The following ZMAT4 variants were observed in gnomAD, a reference collection of about 807,000 sequenced individuals.
The protein encoded by ZMAT4 is zinc finger matrin-type 4, also known as zinc finger matrin-type protein 4.
ZMAT4 carries 17 observed loss-of-function variants against 28.7 expected under a neutral mutation model. The observed-to-expected ratio is 0.59, with a 90% CI of 0.41 to 0.89. ZMAT4 has a LOEUF of 0.89. Ranked by LOEUF, ZMAT4 falls within the 40% of genes least tolerant of loss-of-function variation. ZMAT4 has a pLI of 0.00. For missense variants in ZMAT4, 240 were observed against 283.8 expected, an observed-to-expected ratio of 0.85 and a Z score of 1.11; for synonymous variants, 117 against 109.2, an observed-to-expected ratio of 1.07 and a Z score of -0.44.
chr8:40,820,547 T>C (rs911768721), intron 2 of ZMAT4, among the ~76,000 whole-genome samples: 6 of 151,082 alleles, frequency 4.0e-5, no homozygotes, highest in African/African-American at 7.3e-5. Context: ...TGTGCATTTG[T>C]GTGTGTATGT....
intron 5 of ZMAT4, among the ~76,000 whole-genome samples, chr8:40,653,057 C>G (rs1046249351): frequency 4.0e-5 from 6 of 151,746 alleles, no homozygotes; most frequent in African/African-American, 1.2e-4. Flanking sequence ...ACAATGTGCA[C>G]ATGTACACTA....
At chr8:40,677,614 C>T (rs1808965761) in intron 4 of ZMAT4, among the ~76,000 whole-genome samples, 1 of 152,056 alleles carries the variant, frequency 6.6e-6, no homozygotes, top group South Asian at 2.1e-4. Context: ...TGATTCAATA[C>T]CAAATATAGA....
Position 40,873,968 on chromosome 8 carries a change from C to T in ZMAT4, c.-5+23715G>A, listed in dbSNP as rs147354409. Among the ~76,000 whole-genome samples the T allele has an allele frequency of 3.4e-3, 514 of 152,284 alleles. 1 individual carries two copies. Among genetic ancestry groups the T allele is most frequent in the African/African-American group, 0.012 (488 of 41,560 alleles). On this transcript the variant is annotated intron_variant, in intron 1 of 6. Coordinates refer to ENST00000297737, the MANE Select transcript of ZMAT4 (RefSeq NM_024645.3). ...TTCAACTCTCACCACAATCCTACTG[C>T]TCCCATTTGAGATTAGGGAAAAGGG...
intron 6 of ZMAT4, among the ~76,000 whole-genome samples, chr8:40,539,822 T>C (rs1032614065): frequency 2.0e-5 from 3 of 152,216 alleles, no homozygotes; most frequent in African/African-American, 4.8e-5. Context: ...TCCCAAATGA[T>C]AGCAGTATCT....
chr8:40,697,876 G>C (rs889332537), intron 3 of ZMAT4, among the ~76,000 whole-genome samples: 3 of 152,058 alleles, frequency 2.0e-5, no homozygotes, highest in African/African-American at 7.2e-5. Context: ...ATAAAAACGG[G>C]GCCCACAATT....
At chr8:40,821,004 T>A in intron 2 of ZMAT4, among the ~76,000 whole-genome samples, 1 of 148,290 alleles carries the variant, frequency 6.7e-6, no homozygotes, top group Non-Finnish European at 1.5e-5. Context: ...TGTGTATGTG[T>A]ATATGTGTTT....
chr8:40,566,932 A>T (rs1803942119), intron 6 of ZMAT4, among the ~76,000 whole-genome samples: 1 of 152,142 alleles, frequency 6.6e-6, no homozygotes, highest in Admixed American at 6.5e-5. Context: ...CAGGAAATAA[A>T]ACCAGAGGTC....
rs552199668 is a variant in ZMAT4, at chr8:40,874,118, A to G, written c.-5+23565T>C. Among the ~76,000 whole-genome samples, 144 of 152,264 alleles carry G rather than the reference A, an allele frequency of 9.5e-4. No homozygotes were observed. In the South Asian group the frequency reaches 0.013, roughly 14 times the overall value. ...TTCTTTTCTGTAACTTCCGCCCCAG[A>G]CACTACTCCCTATAAAACACTCAGA... On this transcript the variant is annotated intron_variant, in intron 1 of 6. Transcript: ENST00000297737.
At chr8:40,600,203 T>G (rs559693088) in intron 5 of ZMAT4, among the ~76,000 whole-genome samples, 44 of 152,326 alleles carry the variant, frequency 2.9e-4, no homozygotes, top group South Asian at 2.1e-3. Context: ...AAAGGTGTTT[T>G]TTTGTTTGTT....
intron 5 of ZMAT4, among the ~76,000 whole-genome samples, chr8:40,590,712 A>AGTGT (rs3221714): frequency 0.012 from 1,785 of 150,446 alleles, 38 homozygotes; most frequent in African/African-American, 0.036. Context: ...TTTCAGTATA[A>AGTGT]GTGTGTGTGT....
At chr8:40,754,045 G>A (rs550163374) in intron 3 of ZMAT4, among the ~76,000 whole-genome samples, 2 of 152,000 alleles carry the variant, frequency 1.3e-5, no homozygotes, top group East Asian at 1.9e-4. Context: ...GGTGGCACAC[G>A]CCTGTAGTCT....
intron 5 of ZMAT4, among the ~76,000 whole-genome samples, chr8:40,585,400 A>G (rs749010883): frequency 1.3e-5 from 2 of 152,244 alleles, no homozygotes; most frequent in Middle Eastern, 3.4e-3. Context: ...GATAAAATCT[A>G]GATTCCCAGG....
chr8:40,638,925 C>A (rs1011786214), intron 5 of ZMAT4, among the ~76,000 whole-genome samples: 4 of 152,226 alleles, frequency 2.6e-5, no homozygotes, highest in Admixed American at 6.5e-5. Flanking sequence ...TAGTTGCAAT[C>A]AGTCTAATAC....
At chr8:40,686,892 G>T (rs765178670) in intron 4 of ZMAT4, among the ~76,000 whole-genome samples, 4 of 152,014 alleles carry the variant, frequency 2.6e-5, no homozygotes, top group Non-Finnish European at 4.4e-5. Context: ...AGAAAACTAA[G>T]ACTAGAACCC....
intron 3 of ZMAT4, among the ~76,000 whole-genome samples, chr8:40,753,837 T>C (rs1334683685): frequency 6.6e-6 from 1 of 152,204 alleles, no homozygotes; most frequent in Non-Finnish European, 1.5e-5. Flanking sequence ...TTCTTACTCA[T>C]ATTTATAAAG....
chr8:40,849,476 T>C (rs1020922200), intron 1 of ZMAT4, among the ~76,000 whole-genome samples: 2 of 152,208 alleles, frequency 1.3e-5, no homozygotes, highest in African/African-American at 4.8e-5. Context: ...AGATGTTCTA[T>C]TTAAATCTCT....
chr8:40,654,856 T>C (rs1807846051), intron 5 of ZMAT4, among the ~76,000 whole-genome samples: 1 of 152,122 alleles, frequency 6.6e-6, no homozygotes, highest in Non-Finnish European at 1.5e-5. Context: ...TTCATAGTGA[T>C]AATTAAAAGC....
intron 1 of ZMAT4, among the ~76,000 whole-genome samples, chr8:40,854,051 G>A (rs1817210871): frequency 6.6e-6 from 1 of 152,196 alleles, no homozygotes. Context: ...GCAAGACAGA[G>A]AGGAGGAGGA....
chr8:40,632,365 T>A (rs1585787059), intron 5 of ZMAT4, among the ~76,000 whole-genome samples: 1 of 152,128 alleles, frequency 6.6e-6, no homozygotes, highest in East Asian at 1.9e-4. Flanking sequence ...TTATTACTAG[T>A]TGGTAATGTG....
Sources: allele counts gnomAD v4.1 joint callset (sites outside exome capture counted in the v4.1 genomes callset), GRCh38; gene constraint gnomAD v4.1.1; transcripts MANE v1.5; gene names NCBI Gene and HGNC (gene_info 2026-07-23, HGNC 2026-07-21).